The following RGR variants were observed in gnomAD, a reference collection of about 807,000 sequenced individuals.
The protein encoded by RGR is RPE-retinal G protein-coupled receptor.
RGR carries 30 observed loss-of-function variants against 28.6 expected under a neutral mutation model. That is an observed-to-expected ratio of 1.05 (90% CI 0.78 to 1.42). RGR has a LOEUF of 1.42. RGR is among the 40% of genes most tolerant of loss of function. RGR has a pLI of 0.00. For missense variants in RGR, 404 were observed against 375.6 expected (o/e 1.08, Z -0.62); for synonymous variants, 180 against 156.4 (o/e 1.15, Z -1.13).
intron 2 of RGR, 170 bp from the exon 3 acceptor site, chr10:84,248,749 CCTT>C: frequency 8.7e-7 from 1 of 1,148,132 alleles, no homozygotes; most frequent in Non-Finnish European, 1.3e-6. Flanking sequence ...GGGCTCCACC[CCTT>C]CAGCCCAGTT....
chr10:84,256,059 C>CT (rs61441525), intron 5 of RGR, among the ~76,000 whole-genome samples: 1,254 of 54,396 alleles, frequency 0.023, 114 homozygotes, highest in African/African-American at 0.029. Flanking sequence ...TTTTTCCTTT[C>CT]TTTTTTTTTT....
intron 3 of RGR, chr10:84,250,290 C>T: frequency 1.4e-6 from 1 of 709,174 alleles, no homozygotes; most frequent in Admixed American, 2.0e-5. Context: ...CTTTGGAATC[C>T]ACAGAACTTC....
intron 3 of RGR, among the ~76,000 whole-genome samples, chr10:84,251,351 AG>A (rs1332302592): frequency 6.6e-6 from 1 of 152,162 alleles, no homozygotes; most frequent in Non-Finnish European, 1.5e-5. Flanking sequence ...TAGTCTGCCC[AG>A]GCTCCTATAA....
At chr10:84,249,651 T>C (rs1377772752) in intron 3 of RGR, among the ~76,000 whole-genome samples, 3 of 152,300 alleles carry the variant, frequency 2.0e-5, no homozygotes, top group African/African-American at 4.8e-5. Flanking sequence ...ATTTTGAAAA[T>C]GAAATGAGAT....
rs534253108 is a variant in RGR at position 84,247,757 on chromosome 10, C to T, written c.236+10C>T. 3.1e-6 allele frequency: 5 copies of T among 1,614,078 alleles called. No individual in the cohort carries two copies. In the East Asian group the frequency reaches 1.1e-4, roughly 36 times the overall value. The stretch of plus-strand genomic sequence containing the variant: ...CATCCAGCCTTCTCCGGTACCAGCC[C>T]CCTCCCCAGTCCACAGGCTCTGGGG... On this transcript the variant is annotated intron_variant, in intron 2 of 6. Transcript: ENST00000652092.
rs909957776 is a variant in RGR, at chr10:84,258,776, A to G, written c.*137A>G. The G allele has an allele frequency of 3.0e-5, 39 of 1,286,120 alleles. No individual in the cohort carries two copies. The African/African-American group carries it at 5.3e-4, about 17-fold the overall frequency. 79.7% of individuals were successfully genotyped at this position (1,286,120 alleles called of 1,614,324 possible). A position where few individuals can be genotyped will look rare whatever the true frequency, so the allele number is the denominator to read the frequency against. ...ATCCTGGTCCTAGGCTGGACACAGG[A>G]TTCAGAAAGACACCAGGCTGCACAG... On this transcript the variant is annotated 3_prime_UTR_variant, in exon 7 of 7. Transcript: ENST00000652092.
chr10:84,254,875 A>C (rs1428803801), intron 5 of RGR, among the ~76,000 whole-genome samples: 1 of 152,164 alleles, frequency 6.6e-6, no homozygotes, highest in Non-Finnish European at 1.5e-5. Context: ...TTTTAAGGAT[A>C]CTTTTTCTCT....
intron 5 of RGR, among the ~76,000 whole-genome samples, chr10:84,257,316 C>A (rs1842900689): frequency 6.6e-6 from 1 of 152,214 alleles, no homozygotes; most frequent in South Asian, 2.1e-4. Context: ...GGAGCCCAGA[C>A]AGGGTGGTCT....
chr10:84,258,389 A>C, intron 6 of RGR, 119 bp from the exon 7 acceptor site: 2 of 1,537,506 alleles, frequency 1.3e-6, no homozygotes, highest in Non-Finnish European at 1.8e-6. Flanking sequence ...GAAGCCTCCA[A>C]GGCTGCAGAA....
At chr10:84,257,229 C>G (rs972951276) in intron 5 of RGR, among the ~76,000 whole-genome samples, 1 of 152,200 alleles carries the variant, frequency 6.6e-6, no homozygotes, top group Non-Finnish European at 1.5e-5. Context: ...CTTGCGCCCC[C>G]TCATGGCCCC....
At chr10:84,246,037 T>G (rs1216064316) in intron 1 of RGR, among the ~76,000 whole-genome samples, 1 of 152,226 alleles carries the variant, frequency 6.6e-6, no homozygotes, top group Non-Finnish European at 1.5e-5. Flanking sequence ...GACACGACTG[T>G]CTGGTGGCCC....
chr10:84,247,829 G>A, intron 2 of RGR, 82 bp downstream of exon 2: 1 of 1,600,726 alleles, frequency 6.2e-7, no homozygotes, highest in Non-Finnish European at 8.5e-7. Flanking sequence ...CAGGCCAAGG[G>A]CATTTTTACT....
intron 5 of RGR, 147 bp downstream of exon 5, chr10:84,254,590 T>G: frequency 1.3e-6 from 1 of 748,698 alleles, no homozygotes; most frequent in Non-Finnish European, 2.3e-6. Flanking sequence ...AGCACAGTAT[T>G]ACACTCTCAG....
chr10:84,258,524 C>T lies in RGR; in HGVS notation c.761C>T (p.Ala254Val). The T allele has an allele frequency of 6.2e-7, 1 of 1,614,182 alleles. No homozygotes were observed. Among genetic ancestry groups the T allele is most frequent in the Non-Finnish European group, 8.5e-7 (1 of 1,180,030 alleles). Residue 254 changes from alanine to valine, a missense_variant, in exon 7 of 7, where the codon GCC becomes GTC. Physicochemically the swap from Ala to Val is moderately conservative, Grantham distance 64. Transcript: ENST00000652092. The stretch of plus-strand genomic sequence containing the variant: ...CCACAACAGGTGCCCGCCCTCATTG[C>T]CAAAATGGTGCCCACGATCAATGCC... The part of the protein sequence containing the change: ...PKLQMVPALI[A>V]KMVPTINAIN...
chr10:84,249,586 C>T (rs1489546631), intron 3 of RGR, among the ~76,000 whole-genome samples: 1 of 152,242 alleles, frequency 6.6e-6, no homozygotes, highest in African/African-American at 2.4e-5. Context: ...GCTGGGATTA[C>T]AGGCGTGAGC....
At chr10:84,251,092 G>A (rs558744603) in intron 3 of RGR, among the ~76,000 whole-genome samples, 1 of 151,860 alleles carries the variant, frequency 6.6e-6, no homozygotes, top group Non-Finnish European at 1.5e-5. Flanking sequence ...AGAATTAGCT[G>A]GGCATGGTGG....
chr10:84,256,981 T>TG (rs141840869), intron 5 of RGR, among the ~76,000 whole-genome samples: 17,934 of 151,508 alleles, frequency 0.12, 1,098 homozygotes, highest in South Asian at 0.16. Context: ...CCGTTGTTCG[T>TG]GGGTTTTTTT....
chr10:84,259,889 G>A lies in RGR; in HGVS notation c.*1250G>A, dbSNP rs762003120. On this transcript the variant is annotated 3_prime_UTR_variant, in exon 7 of 7. Coordinates refer to ENST00000652092, the MANE Select transcript of RGR (RefSeq NM_001012720.2). ...GCAAATATTTTCTCCGGTTCTGCAC[G>A]TTGTTCATTCTGTTGATGGTTTATT... is the stretch of plus-strand genomic sequence containing the variant. 3.3e-5 allele frequency: 5 copies of A among 152,142 alleles called. No homozygotes were observed. Among genetic ancestry groups the A allele is most frequent in the African/African-American group, 7.2e-5 (3 of 41,526 alleles). The allele number at this position is 152,142 out of a possible 1,614,324, so 9.4% of individuals were successfully genotyped here. A position where few individuals can be genotyped will look rare whatever the true frequency, so the allele number is the denominator to read the frequency against.
At chr10:84,247,179 C>A (rs1359403268) in intron 1 of RGR, among the ~76,000 whole-genome samples, 1 of 152,178 alleles carries the variant, frequency 6.6e-6, no homozygotes, top group Non-Finnish European at 1.5e-5. Context: ...AACATCGACT[C>A]TTCTCCTTGG....
Sources: gnomAD v4.1 joint callset for allele counts (sites outside exome capture counted in the v4.1 genomes callset) on GRCh38, gnomAD v4.1.1 for gene constraint, MANE v1.5 for transcripts, NCBI Gene and HGNC (gene_info 2026-07-23, HGNC 2026-07-21) for gene names.